Variants in CAPZA1 observed in about 807,000 individuals in gnomAD.
CAPZA1 encodes capping actin protein of muscle Z-line subunit alpha 1.
In CAPZA1, 10 loss-of-function variants were observed where a neutral mutation model predicts 40.8. The observed-to-expected ratio is 0.25, with a 90% CI of 0.15 to 0.42. The LOEUF (loss-of-function observed/expected upper bound fraction) is 0.42, where lower values mean the gene tolerates loss of function less well. Ranked by LOEUF, CAPZA1 falls within the 10% of genes least tolerant of loss-of-function variation. The pLI is 1.00. For missense variants in CAPZA1, 277 were observed against 353.8 expected (o/e 0.78, Z 1.74); for synonymous variants, 98 against 115.0 (o/e 0.85, Z 0.95).
intron 1 of CAPZA1, among the ~76,000 whole-genome samples, chr1:112,626,525 G>C (rs1670810357): frequency 6.6e-6 from 1 of 151,814 alleles, no homozygotes; most frequent in Non-Finnish European, 1.5e-5. Context: ...TCCCTGACAA[G>C]TAGCCAATAT....
intron 1 of CAPZA1, among the ~76,000 whole-genome samples, chr1:112,627,189 C>T (rs12140447): frequency 6.6e-6 from 1 of 152,202 alleles, no homozygotes; most frequent in South Asian, 2.1e-4. Flanking sequence ...AGAGCCTATG[C>T]TCTTACCCAT....
intron 7 of CAPZA1, among the ~76,000 whole-genome samples, chr1:112,660,012 G>T (rs1355515623): frequency 1.3e-5 from 2 of 151,568 alleles, no homozygotes; most frequent in African/African-American, 4.9e-5. Flanking sequence ...TTCCTTCAAT[G>T]GTAACATAAG....
chr1:112,647,151 TC>T (rs1671295215), intron 1 of CAPZA1, 58 bp from the exon 2 acceptor site: 1 of 778,606 alleles, frequency 1.3e-6, no homozygotes, highest in African/African-American at 1.8e-5. Flanking sequence ...GTTAATTATT[TC>T]TCCTTTTATA....
chr1:112,639,499 A>G (rs187614016), intron 1 of CAPZA1, among the ~76,000 whole-genome samples: 35 of 152,218 alleles, frequency 2.3e-4, no homozygotes, highest in Non-Finnish European at 2.9e-4. Context: ...TGTTTAACCA[A>G]TTCATCAATT....
chr1:112,624,513 CAGG>C (rs1229324960), intron 1 of CAPZA1, among the ~76,000 whole-genome samples: 4 of 140,778 alleles, frequency 2.8e-5, no homozygotes, highest in Non-Finnish European at 4.5e-5. Context: ...GAGGCTGAGG[CAGG>C]AGAATAGCTT....
intron 7 of CAPZA1, chr1:112,666,869 C>G (rs1412253139): frequency 1.9e-6 from 1 of 517,222 alleles, no homozygotes; most frequent in Non-Finnish European, 3.4e-6. Flanking sequence ...GTTTTCCTTG[C>G]TAAGGAAAAA....
Position 112,670,581 on chromosome 1 carries a change from A to G in CAPZA1, c.*449A>G, listed in dbSNP as rs138470036. The stretch of plus-strand genomic sequence containing the variant: ...TGATCCACCAACACCTAAAGAGGCT[A>G]TGCTACAGTCTCTAGCTAAATGGAA... On this transcript the variant is annotated 3_prime_UTR_variant, in exon 10 of 10. Coordinates refer to ENST00000263168, the MANE Select transcript of CAPZA1 (RefSeq NM_006135.3). 234 of 154,784 alleles carry G rather than the reference A, an allele frequency of 1.5e-3. No homozygotes were observed. The highest frequency in any genetic ancestry group is 2.6e-3 in the Non-Finnish European group (183 of 69,558). The allele number at this position is 154,784 out of a possible 1,614,324, so 9.6% of individuals were successfully genotyped here.
chr1:112,655,470 C>T (rs181566369), intron 5 of CAPZA1, among the ~76,000 whole-genome samples: 1 of 146,590 alleles, frequency 6.8e-6, no homozygotes, highest in African/African-American at 2.5e-5. Context: ...GAGTGAGACA[C>T]TGTCTCAAAA....
At chr1:112,645,538 G>T (rs1055104212) in intron 1 of CAPZA1, among the ~76,000 whole-genome samples, 57 of 152,046 alleles carry the variant, frequency 3.7e-4, no homozygotes, top group Non-Finnish European at 5.4e-4. Context: ...AGAGCTTGAG[G>T]CAGGAGGATC....
chr1:112,640,644 A>AG (rs760082916), intron 1 of CAPZA1, among the ~76,000 whole-genome samples: 6 of 150,550 alleles, frequency 4.0e-5, no homozygotes, highest in Non-Finnish European at 4.4e-5. Context: ...CCGGGACGTG[A>AG]GGGGTGCCTC....
chr1:112,628,936 A>T (rs2101139850), intron 1 of CAPZA1, among the ~76,000 whole-genome samples: 1 of 152,338 alleles, frequency 6.6e-6, no homozygotes, highest in Middle Eastern at 3.4e-3. Flanking sequence ...ACTCTGGAAG[A>T]AGCCATTGTG....
chr1:112,640,515 G>A (rs1671130507), intron 1 of CAPZA1, among the ~76,000 whole-genome samples: 1 of 140,592 alleles, frequency 7.1e-6, no homozygotes, highest in Non-Finnish European at 1.5e-5. Flanking sequence ...CGTCCGGGAG[G>A]TGAGGGGCGC....
At chr1:112,656,409 A>G (rs987835137) in intron 5 of CAPZA1, among the ~76,000 whole-genome samples, 8 of 138,470 alleles carry the variant, frequency 5.8e-5, no homozygotes, top group Non-Finnish European at 3.1e-5. Flanking sequence ...TAAATGTTAG[A>G]TGAATGTTAG....
chr1:112,636,367 T>A (rs1177848319), intron 1 of CAPZA1, among the ~76,000 whole-genome samples: 1 of 152,312 alleles, frequency 6.6e-6, no homozygotes, highest in South Asian at 2.1e-4. Context: ...GAAATTGAAA[T>A]TTAGGAAATC....
intron 8 of CAPZA1, among the ~76,000 whole-genome samples, chr1:112,667,543 T>C (rs1179796364): frequency 6.6e-6 from 1 of 152,192 alleles, no homozygotes; most frequent in Non-Finnish European, 1.5e-5. Flanking sequence ...GGTGGTGGTC[T>C]ATTTGAGACA....
chr1:112,638,456 A>G (rs375207288), intron 1 of CAPZA1, among the ~76,000 whole-genome samples: 1 of 152,096 alleles, frequency 6.6e-6, no homozygotes, highest in South Asian at 2.1e-4. Context: ...CTGGGATTAC[A>G]GGTGCCCACC....
chr1:112,650,363 C>T (rs547378231), intron 3 of CAPZA1, among the ~76,000 whole-genome samples: 3 of 152,240 alleles, frequency 2.0e-5, no homozygotes, highest in South Asian at 2.1e-4. Flanking sequence ...ATTCTGCAAA[C>T]GTAGAATTTG....
chr1:112,649,602 G>GT (rs1031729332), intron 3 of CAPZA1, 133 bp downstream of exon 3: 50 of 718,720 alleles, frequency 7.0e-5, no homozygotes, highest in African/African-American at 2.8e-4. Context: ...AATTTTCGTT[G>GT]TTTTTTTTAA....
chr1:112,627,859 C>A (rs948035184), intron 1 of CAPZA1, among the ~76,000 whole-genome samples: 8 of 151,200 alleles, frequency 5.3e-5, no homozygotes, highest in Admixed American at 5.3e-4. Context: ...ACTCAGCAGG[C>A]TGAGGCAGGA....
Sources: gnomAD v4.1 joint callset for allele counts (sites outside exome capture counted in the v4.1 genomes callset) on GRCh38, gnomAD v4.1.1 for gene constraint, MANE v1.5 for transcripts, NCBI Gene and HGNC (gene_info 2026-07-23, HGNC 2026-07-21) for gene names.